Variants in DPP10 observed in about 807,000 individuals in gnomAD.
DPP10 encodes dipeptidyl peptidase like 10, also known as inactive dipeptidyl peptidase 10.
In DPP10, 33 loss-of-function variants were observed where a neutral mutation model predicts 120.9. The ratio of observed to expected loss-of-function variants is 0.27; its 90% CI spans 0.21 to 0.37. The LOEUF is 0.37. Among genes scored for constraint, DPP10 ranks in the 10% least tolerant of loss-of-function variants. DPP10 has a pLI of 1.00. For missense variants in DPP10, 816 were observed against 942.8 expected (o/e 0.87, Z 1.76); for synonymous variants, 337 against 326.1 (o/e 1.03, Z -0.36).
intron 1 of DPP10, among the ~76,000 whole-genome samples, chr2:115,112,427 TA>T (rs1265122925): frequency 4.6e-5 from 7 of 152,192 alleles, no homozygotes; most frequent in African/African-American, 1.7e-4. Context: ...ATTGTTATTT[TA>T]ATTGACAAAA....
At chr2:115,027,286 C>A (rs1703532880) in intron 1 of DPP10, among the ~76,000 whole-genome samples, 1 of 152,106 alleles carries the variant, frequency 6.6e-6, no homozygotes, top group South Asian at 2.1e-4. Flanking sequence ...GCGCATAAAG[C>A]CAATTTGACT....
intron 1 of DPP10, among the ~76,000 whole-genome samples, chr2:114,559,323 G>A (rs1688567703): frequency 6.6e-6 from 1 of 152,206 alleles, no homozygotes; most frequent in Admixed American, 6.5e-5. Context: ...AGAGGTCAGA[G>A]TGATGCAGTT....
chr2:114,630,048 C>T (rs969477813), intron 1 of DPP10, among the ~76,000 whole-genome samples: 1 of 152,070 alleles, frequency 6.6e-6, no homozygotes, highest in Non-Finnish European at 1.5e-5. Flanking sequence ...TACAAATATA[C>T]ATACATATCT....
At chr2:114,965,839 A>C (rs1043663524) in intron 1 of DPP10, among the ~76,000 whole-genome samples, 2 of 151,398 alleles carry the variant, frequency 1.3e-5, no homozygotes, top group African/African-American at 4.9e-5. Context: ...AATGGCGAGC[A>C]CCTGTAGTCC....
chr2:115,032,433 C>T (rs923673275), intron 1 of DPP10, among the ~76,000 whole-genome samples: 4 of 152,098 alleles, frequency 2.6e-5, no homozygotes, highest in African/African-American at 7.2e-5. Context: ...TAAATATTTG[C>T]GAACAGTGTG....
intron 1 of DPP10, among the ~76,000 whole-genome samples, chr2:115,133,797 T>C (rs1246173180): frequency 2.0e-5 from 3 of 152,226 alleles, no homozygotes; most frequent in Non-Finnish European, 4.4e-5. Flanking sequence ...ATTTGTGTTT[T>C]AATCAGGTCT....
intron 1 of DPP10, among the ~76,000 whole-genome samples, chr2:115,298,747 G>A (rs562763626): frequency 4.6e-5 from 7 of 152,074 alleles, no homozygotes; most frequent in Admixed American, 6.6e-5. Context: ...GATTCAGAAG[G>A]GCTGTGATGG....
At chr2:115,492,144 C>T (rs138447374) in intron 3 of DPP10, among the ~76,000 whole-genome samples, 12 of 152,194 alleles carry the variant, frequency 7.9e-5, no homozygotes, top group African/African-American at 2.9e-4. Flanking sequence ...AAAATATTTG[C>T]TGTGATCATT....
chr2:115,658,495 T>G (rs1178309309), intron 5 of DPP10, among the ~76,000 whole-genome samples: 1 of 152,072 alleles, frequency 6.6e-6, no homozygotes, highest in East Asian at 1.9e-4. Flanking sequence ...ATTTTACTCA[T>G]CAAAGTGTTA....
At chr2:115,171,249 G>A (rs980473776) in intron 1 of DPP10, among the ~76,000 whole-genome samples, 1 of 150,794 alleles carries the variant, frequency 6.6e-6, no homozygotes, top group Non-Finnish European at 1.5e-5. Flanking sequence ...TAATCCTAGC[G>A]ACTCAGGAGG....
At chr2:115,821,239 T>G (rs1485427944) in intron 21 of DPP10, among the ~76,000 whole-genome samples, 5 of 152,196 alleles carry the variant, frequency 3.3e-5, no homozygotes, top group African/African-American at 1.2e-4. Context: ...CAATTTCTCC[T>G]TATTAATTTT....
chr2:114,978,784 G>C (rs1489962761), intron 1 of DPP10, among the ~76,000 whole-genome samples: 1 of 152,112 alleles, frequency 6.6e-6, no homozygotes, highest in Non-Finnish European at 1.5e-5. Flanking sequence ...GACATTGGTA[G>C]ATAATTTTAT....
At chr2:115,290,944 C>T (rs2060627084) in intron 1 of DPP10, among the ~76,000 whole-genome samples, 1 of 152,102 alleles carries the variant, frequency 6.6e-6, no homozygotes, top group African/African-American at 2.4e-5. Context: ...CTTTCTACCT[C>T]TTACATACAA....
chr2:115,607,946 T>C (rs1256454941), intron 5 of DPP10, among the ~76,000 whole-genome samples: 2 of 152,194 alleles, frequency 1.3e-5, no homozygotes, highest in African/African-American at 4.8e-5. Context: ...TTGTAACTAT[T>C]CTAAAGTTTA....
intron 5 of DPP10, chr2:115,526,207 C>A: frequency 2.5e-6 from 1 of 396,826 alleles, no homozygotes; most frequent in South Asian, 4.9e-5. Flanking sequence ...GATCCAAGTC[C>A]ATCTCTTGGC....
intron 1 of DPP10, among the ~76,000 whole-genome samples, chr2:114,998,726 T>C (rs1221457483): frequency 1.3e-5 from 2 of 152,154 alleles, no homozygotes; most frequent in Non-Finnish European, 2.9e-5. Flanking sequence ...CAAGGAGTCA[T>C]TTCCACATCT....
chr2:114,688,737 A>G (rs562931196), intron 1 of DPP10, among the ~76,000 whole-genome samples: 1 of 152,130 alleles, frequency 6.6e-6, no homozygotes, highest in African/African-American at 2.4e-5. Context: ...AGAGATGGGC[A>G]CAGAGTGTTA....
At chr2:115,558,233 A>G (rs2080341889) in intron 5 of DPP10, among the ~76,000 whole-genome samples, 1 of 152,198 alleles carries the variant, frequency 6.6e-6, no homozygotes, top group South Asian at 2.1e-4. Flanking sequence ...GCCGCTCTCC[A>G]TAACAGGATC....
At chr2:114,932,149 C>T (rs946575628) in intron 1 of DPP10, among the ~76,000 whole-genome samples, 88 of 152,284 alleles carry the variant, frequency 5.8e-4, no homozygotes, top group African/African-American at 1.9e-3. Context: ...AATTTTAGAC[C>T]TACTGAATTA....
Sources: gnomAD v4.1 joint callset for allele counts (sites outside exome capture counted in the v4.1 genomes callset) on GRCh38, gnomAD v4.1.1 for gene constraint, MANE v1.5 for transcripts, NCBI Gene and HGNC (gene_info 2026-07-23, HGNC 2026-07-21) for gene names.